SNX29: variants seen among roughly 807,000 people sequenced by gnomAD.
SNX29 encodes the protein sorting nexin-29.
In SNX29, 78 loss-of-function variants were observed where a neutral mutation model predicts 102.1. The observed-to-expected ratio is 0.76, with a 90% CI of 0.64 to 0.92. SNX29 has a LOEUF of 0.92. Among genes scored for constraint, SNX29 ranks in the 40% least tolerant of loss-of-function variants. SNX29 has a pLI of 0.00. For synonymous variants in SNX29, 580 were observed against 414.5 expected (o/e 1.40, Z -4.85); for missense variants, 1,280 against 1,061.7 (o/e 1.21, Z -2.86).
intron 18 of SNX29, among the ~76,000 whole-genome samples, chr16:12,427,432 G>A (rs2085128221): frequency 6.6e-6 from 1 of 151,930 alleles, no homozygotes; most frequent in African/African-American, 2.4e-5. Flanking sequence ...GATTTTGTAT[G>A]TTTTGTTTTT....
At chr16:12,006,899 A>G (rs946847632) in intron 3 of SNX29, among the ~76,000 whole-genome samples, 10 of 152,200 alleles carry the variant, frequency 6.6e-5, no homozygotes, top group Non-Finnish European at 1.3e-4. Flanking sequence ...TATTACAGGT[A>G]TGAGCCACAC....
chr16:12,073,794 TG>T (rs1266926422), intron 10 of SNX29, among the ~76,000 whole-genome samples: 1 of 152,116 alleles, frequency 6.6e-6, no homozygotes, highest in Admixed American at 6.6e-5. Context: ...TATTATTGTG[TG>T]GGAGTCTAAG....
At chr16:12,180,873 G>A (rs2076368672) in intron 13 of SNX29, among the ~76,000 whole-genome samples, 2 of 152,174 alleles carry the variant, frequency 1.3e-5, no homozygotes, top group Non-Finnish European at 2.9e-5. Context: ...TGTGGATTTC[G>A]TGTGGTGTTA....
chr16:12,040,885 C>T (rs1289014021), intron 4 of SNX29, among the ~76,000 whole-genome samples: 8 of 152,152 alleles, frequency 5.3e-5, no homozygotes, highest in Non-Finnish European at 1.2e-4. Context: ...GTGATCTCGG[C>T]TCTCTGCAAC....
chr16:12,556,151 A>G (rs1242619750), intron 20 of SNX29, among the ~76,000 whole-genome samples: 1 of 152,188 alleles, frequency 6.6e-6, no homozygotes, highest in East Asian at 1.9e-4. Flanking sequence ...TGGAGTGGTT[A>G]AATCGCTTTG....
intron 18 of SNX29, among the ~76,000 whole-genome samples, chr16:12,461,407 T>A (rs2086770526): frequency 6.6e-6 from 1 of 152,224 alleles, no homozygotes; most frequent in Non-Finnish European, 1.5e-5. Flanking sequence ...TTTGGCTTCC[T>A]GCCTGCATGG....
In SNX29 at chr16:12,206,814, GT is replaced by G. The variant is rs71139583; in HGVS notation, c.1678+7151del. 2.0e-3 allele frequency among the ~76,000 whole-genome samples: 244 copies of G among 121,610 alleles called. 1 individual carries two copies. Among genetic ancestry groups the G allele is most frequent in the African/African-American group, 2.6e-3 (91 of 34,646 alleles). The allele number at this position is 121,610 out of a possible 152,430, so 79.8% of individuals were successfully genotyped here. On this transcript the variant is annotated intron_variant, in intron 14 of 20. Transcript: ENST00000566228. ...AAAAATCAGTAGTGGGAATGAGGTG[GT>G]TTTTTTTTTTTTTTTTTTTAAAGCT... is the stretch of plus-strand genomic sequence containing the variant.
At chr16:12,168,828 C>G (rs373250473) in intron 13 of SNX29, among the ~76,000 whole-genome samples, 2 of 152,200 alleles carry the variant, frequency 1.3e-5, no homozygotes, top group African/African-American at 2.4e-5. Flanking sequence ...AGGAGAAAAG[C>G]TCTTAGAAGA....
At position 12,572,944 on chromosome 16, in the gene SNX29, CT is replaced by C; in HGVS notation, c.*4317del. Reference sequence around the variant, plus strand: ...AGTGTTTCTTCAAGGCAGGCATCTGCTTATGAGCAAGGTCAAAGATTTTTCA... The same window carrying C: ...AGTGTTTCTTCAAGGCAGGCATCTGCTATGAGCAAGGTCAAAGATTTTTCA... On this transcript the variant is annotated 3_prime_UTR_variant, in exon 21 of 21. Transcript: ENST00000566228. 1.4e-6 allele frequency: 1 copy of C among 737,946 alleles called. No individual in the cohort carries two copies. Among genetic ancestry groups the C allele is most frequent in the Non-Finnish European group, 1.7e-6 (1 of 581,006 alleles). The allele number at this position is 737,946 out of a possible 1,614,324, so 45.7% of individuals were successfully genotyped here.
intron 16 of SNX29, among the ~76,000 whole-genome samples, chr16:12,390,949 T>C (rs11648747): frequency 0.036 from 5,410 of 152,172 alleles, 161 homozygotes; most frequent in South Asian, 0.064. Context: ...ACAAATTGTC[T>C]TTATTTATTG....
In SNX29 at chr16:12,537,978, C is replaced by G. The variant is rs536309491; in HGVS notation, c.2318+13137C>G. Among the ~76,000 whole-genome samples the G allele has an allele frequency of 3.3e-3, 330 of 98,670 alleles. 1 individual carries two copies. The highest frequency in any genetic ancestry group is 0.023 in the South Asian group (53 of 2,296). 64.7% of individuals were successfully genotyped at this position (98,670 alleles called of 152,430 possible). Reference sequence around the variant, plus strand: ...CCAGCCTGGGCAATAGAGCAAAACTCCGTTTCAAAAAAAAAAAAAAAAAAA... The same window carrying G: ...CCAGCCTGGGCAATAGAGCAAAACTGCGTTTCAAAAAAAAAAAAAAAAAAA... On this transcript the variant is annotated intron_variant, in intron 20 of 20. Coordinates refer to ENST00000566228, the MANE Select transcript of SNX29 (RefSeq NM_032167.5).
rs1480933627 is a variant in SNX29 at position 12,572,612 on chromosome 16, G to A, written c.*3983G>A. 2.8e-6 allele frequency: 3 copies of A among 1,063,418 alleles called. No individual in the cohort carries two copies. Among genetic ancestry groups the A allele is most frequent in the African/African-American group, 1.6e-5 (1 of 60,918 alleles). 65.9% of individuals were successfully genotyped at this position (1,063,418 alleles called of 1,614,324 possible). On this transcript the variant is annotated 3_prime_UTR_variant, in exon 21 of 21. Coordinates refer to ENST00000566228, the MANE Select transcript of SNX29 (RefSeq NM_032167.5). ...CTCCCAGTGAGCCCCCTCCCCTCCG[G>A]CTACCCCCAGAATCCATCCTTCATT...
chr16:12,554,577 C>G (rs76323542), intron 20 of SNX29, among the ~76,000 whole-genome samples: 2,207 of 152,306 alleles, frequency 0.014, 52 homozygotes, highest in South Asian at 0.11. Context: ...AAAGCTGACA[C>G]CAAGACTTGG....
chr16:12,228,030 C>T (rs911098641), intron 14 of SNX29, among the ~76,000 whole-genome samples: 2 of 151,226 alleles, frequency 1.3e-5, no homozygotes, highest in African/African-American at 4.9e-5. Context: ...AATCTCAGCA[C>T]TTCCAGAGAC....
At chr16:12,549,781 A>T (rs1045095176) in intron 20 of SNX29, among the ~76,000 whole-genome samples, 1 of 152,232 alleles carries the variant, frequency 6.6e-6, no homozygotes. Flanking sequence ...GGTGATTTCT[A>T]CTTGCAGACA....
intron 14 of SNX29, among the ~76,000 whole-genome samples, chr16:12,238,753 C>G (rs757646690): frequency 6.6e-6 from 1 of 152,206 alleles, no homozygotes; most frequent in Non-Finnish European, 1.5e-5. Context: ...AGATATGGCC[C>G]TGGTGGCTTA....
At chr16:12,562,850 G>C (rs140164425) in intron 20 of SNX29, among the ~76,000 whole-genome samples, 2 of 152,152 alleles carry the variant, frequency 1.3e-5, no homozygotes, top group African/African-American at 4.8e-5. Flanking sequence ...TAGGCAACCC[G>C]ACAGCTCCCG....
chr16:12,230,317 C>T (rs1366203344), intron 14 of SNX29, among the ~76,000 whole-genome samples: 2 of 152,214 alleles, frequency 1.3e-5, no homozygotes, highest in Non-Finnish European at 2.9e-5. Flanking sequence ...CATGATTTAT[C>T]AGTTGCAATA....
intron 15 of SNX29, among the ~76,000 whole-genome samples, chr16:12,313,298 G>A (rs2080624436): frequency 6.6e-6 from 1 of 152,224 alleles, no homozygotes; most frequent in African/African-American, 2.4e-5. Context: ...ACAGGCGTGA[G>A]CCACTGCGCC....
Sources: gnomAD v4.1 joint callset for allele counts (sites outside exome capture counted in the v4.1 genomes callset) on GRCh38, gnomAD v4.1.1 for gene constraint, MANE v1.5 for transcripts, NCBI Gene and HGNC (gene_info 2026-07-23, HGNC 2026-07-21) for gene names.